RIMS2: variants seen among roughly 807,000 people sequenced by gnomAD.
The protein encoded by RIMS2 is regulating synaptic membrane exocytosis 2.
RIMS2 carries 59 observed loss-of-function variants against 174.4 expected under a neutral mutation model. The observed-to-expected ratio is 0.34, with a 90% CI of 0.27 to 0.42. The LOEUF (loss-of-function observed/expected upper bound fraction) is 0.42. Ranked by LOEUF, RIMS2 falls within the 10% of genes least tolerant of loss-of-function variation. The pLI, the probability that RIMS2 is intolerant of heterozygous loss-of-function variation, is 1.00. For missense variants in RIMS2, 1,620 were observed against 1,666.3 expected, an observed-to-expected ratio of 0.97 and a Z score of 0.48; for synonymous variants, 606 against 572.5, an observed-to-expected ratio of 1.06 and a Z score of -0.84.
chr8:103,757,484 G>A (rs1365197809), intron 2 of RIMS2, among the ~76,000 whole-genome samples: 1 of 151,940 alleles, frequency 6.6e-6, no homozygotes, highest in African/African-American at 2.4e-5. Context: ...TAAAATTAAG[G>A]ATTTGGTTCA....
chr8:104,002,691 G>A (rs1432095614), intron 17 of RIMS2, among the ~76,000 whole-genome samples: 1 of 152,248 alleles, frequency 6.6e-6, no homozygotes, highest in Non-Finnish European at 1.5e-5. Context: ...AAATGAATGG[G>A]ATGAAGGTAG....
chr8:104,098,400 T>G (rs2097798442), intron 19 of RIMS2, among the ~76,000 whole-genome samples: 2 of 152,064 alleles, frequency 1.3e-5, no homozygotes, highest in Admixed American at 1.3e-4. Flanking sequence ...GAATATTTGA[T>G]GAAATATTCA....
intron 19 of RIMS2, among the ~76,000 whole-genome samples, chr8:104,200,241 T>C (rs1283484222): frequency 6.6e-6 from 1 of 152,184 alleles, no homozygotes; most frequent in African/African-American, 2.4e-5. Context: ...TAGTTAAAAC[T>C]GTATGTGTTG....
intron 1 of RIMS2, among the ~76,000 whole-genome samples, chr8:103,583,027 AGTG>A (rs2093700924): frequency 6.6e-6 from 1 of 152,192 alleles, no homozygotes. Flanking sequence ...GCGCAGTCAT[AGTG>A]GTGGTGGCCA....
intron 3 of RIMS2, among the ~76,000 whole-genome samples, chr8:103,792,794 C>G (rs1176307078): frequency 6.6e-6 from 1 of 152,064 alleles, no homozygotes; most frequent in Non-Finnish European, 1.5e-5. Flanking sequence ...TCAGAGAATA[C>G]TATAAAGACC....
intron 14 of RIMS2, among the ~76,000 whole-genome samples, chr8:103,949,191 G>A (rs1290043839): frequency 6.8e-6 from 1 of 146,750 alleles, no homozygotes; most frequent in Non-Finnish European, 1.5e-5. Flanking sequence ...AGGGAGAAGA[G>A]AAGAGAAAAG....
chr8:103,552,550 A>G (rs958270771), intron 1 of RIMS2, among the ~76,000 whole-genome samples: 17 of 152,240 alleles, frequency 1.1e-4, no homozygotes, highest in Admixed American at 5.2e-4. Context: ...CAAGGACTTC[A>G]TGACTAAAAC....
chr8:103,933,288 GACACACACACACACAC>G (rs55909886), intron 12 of RIMS2, among the ~76,000 whole-genome samples: 10 of 119,704 alleles, frequency 8.4e-5, no homozygotes, highest in Admixed American at 4.5e-4. Flanking sequence ...TCGAGACTCT[GACACACACACACACAC>G]ACACACACAC....
chr8:103,918,332 TTTC>T (rs1336118449), intron 8 of RIMS2, 106 bp from the exon 12 acceptor site: 3 of 609,274 alleles, frequency 4.9e-6, no homozygotes, highest in Non-Finnish European at 8.5e-6. Context: ...TATACACAGT[TTTC>T]TTCATTTTAC....
chr8:103,668,358 A>G (rs1459173476), intron 1 of RIMS2, among the ~76,000 whole-genome samples: 1 of 152,182 alleles, frequency 6.6e-6, no homozygotes, highest in Non-Finnish European at 1.5e-5. Context: ...AGGGAAATAC[A>G]TTTTCTGATA....
chr8:103,774,917 G>T (rs1443527162), intron 3 of RIMS2, among the ~76,000 whole-genome samples: 1 of 152,062 alleles, frequency 6.6e-6, no homozygotes, highest in Non-Finnish European at 1.5e-5. Flanking sequence ...AAAATTAAAG[G>T]AGAATTATGT....
intron 19 of RIMS2, among the ~76,000 whole-genome samples, chr8:104,188,509 G>A (rs1316751210): frequency 6.6e-6 from 1 of 151,458 alleles, no homozygotes; most frequent in Non-Finnish European, 1.5e-5. Context: ...AATAAGACTT[G>A]TACATTTCCT....
chr8:104,135,525 G>A (rs2098511208), intron 19 of RIMS2, among the ~76,000 whole-genome samples: 1 of 149,622 alleles, frequency 6.7e-6, no homozygotes, highest in Non-Finnish European at 1.5e-5. Flanking sequence ...AGGATCACTT[G>A]AGCCCAAGAG....
intron 19 of RIMS2, among the ~76,000 whole-genome samples, chr8:104,056,069 A>T (rs1208409325): frequency 1.3e-5 from 2 of 152,186 alleles, no homozygotes; most frequent in Non-Finnish European, 2.9e-5. Context: ...AATAAATATG[A>T]TAATATAAAA....
chr8:103,632,432 C>T (rs6991802), intron 1 of RIMS2, among the ~76,000 whole-genome samples: 57,269 of 151,952 alleles, frequency 0.38, 11,128 homozygotes, highest in African/African-American at 0.4. Context: ...TTATTGATTG[C>T]TTTTTTGAGG....
At chr8:103,823,932 A>G (rs1339506646) in intron 3 of RIMS2, among the ~76,000 whole-genome samples, 1 of 152,058 alleles carries the variant, frequency 6.6e-6, no homozygotes, top group Non-Finnish European at 1.5e-5. Flanking sequence ...TATATACTTT[A>G]TTGAACATGC....
chr8:103,912,304 C>T (rs754497487), intron 6 of RIMS2, 132 bp downstream of exon 9: 9 of 522,040 alleles, frequency 1.7e-5, no homozygotes, highest in Non-Finnish European at 2.9e-5. Flanking sequence ...TGAAGATTCG[C>T]ACTCATTATC....
At chr8:103,912,136 T>C (rs749216474) in exon 6 of RIMS2, 1 of 1,608,204 alleles carries the variant, frequency 6.2e-7, no homozygotes, top group South Asian at 1.1e-5. Context: ...AAGATGGAAG[T>C]GTACCTCGAG....
At chr8:103,655,186 A>G (rs1251049067) in intron 1 of RIMS2, among the ~76,000 whole-genome samples, 2 of 152,104 alleles carry the variant, frequency 1.3e-5, no homozygotes, top group East Asian at 3.9e-4. Context: ...CATTTGTTTT[A>G]GTTGCCAGTT....
Sources: gnomAD v4.1 joint callset for allele counts (sites outside exome capture counted in the v4.1 genomes callset) on GRCh38, gnomAD v4.1.1 for gene constraint, MANE v1.5 for transcripts, NCBI Gene and HGNC (gene_info 2026-07-23, HGNC 2026-07-21) for gene names.